C14orf93: variants seen among roughly 807,000 people sequenced by gnomAD.
The protein encoded by C14orf93 is chromosome 14 open reading frame 93.
In C14orf93, 23 loss-of-function variants were observed where a neutral mutation model predicts 44.0. That is an observed-to-expected ratio of 0.52 (90% confidence interval 0.38 to 0.74). The LOEUF is 0.74. Among genes scored for constraint, C14orf93 ranks in the 30% least tolerant of loss-of-function variants. The pLI, the probability that C14orf93 is intolerant of heterozygous loss-of-function variation, is 0.00. For synonymous variants in C14orf93, 253 were observed against 265.7 expected, an observed-to-expected ratio of 0.95 and a Z score of 0.46; for missense variants, 579 against 678.9, an observed-to-expected ratio of 0.85 and a Z score of 1.64.
chr14:23,007,102 C>G (rs964598428), intron 1 of C14orf93: 6 of 152,256 alleles, frequency 3.9e-5, no homozygotes, highest in Admixed American at 3.9e-4. Flanking sequence ...GAGGCGGAGG[C>G]GGGCGCGCGG....
chr14:23,003,928 G>T (rs1237506600), intron 1 of C14orf93, among the ~76,000 whole-genome samples: 4 of 8,260 alleles, frequency 4.8e-4, no homozygotes, highest in African/African-American at 9.8e-4. Context: ...TTTTTTTTTT[G>T]AGACAGAGTC....
chr14:23,000,067 G>A (rs1330982225), intron 1 of C14orf93: 1 of 152,138 alleles, frequency 6.6e-6, no homozygotes, highest in African/African-American at 2.4e-5. Context: ...CTCCTTAAGG[G>A]TGGATCCAAA....
chr14:23,009,498 C>T (rs1396952766), intron 1 of C14orf93, among the ~76,000 whole-genome samples: 1 of 150,834 alleles, frequency 6.6e-6, no homozygotes, highest in African/African-American at 2.4e-5. Flanking sequence ...CACACACACA[C>T]ACAAATGTTC....
At chr14:22,995,566 G>A (rs1315281801) in intron 3 of C14orf93, among the ~76,000 whole-genome samples, 1 of 151,450 alleles carries the variant, frequency 6.6e-6, no homozygotes, top group Non-Finnish European at 1.5e-5. Flanking sequence ...TGTAATCCCA[G>A]CTACTCAGGA....
rs143379381 is a variant in C14orf93 at position 22,987,495 on chromosome 14, C to T, written c.1337G>A (p.Arg446His). ...EPGVWVARPP[R>H]FRAQRLTELC... ...CTCTGTGAGGCGCTGGGCCCGGAAA[C>T]GGGGAGGGCGGGCCACCCACACACC... Residue 446 changes from arginine (R) to histidine (H), a missense_variant, in exon 7 of 7, where the codon CGT becomes CAT. By Grantham distance (29) the Arg-to-His change is conservative. Transcript: ENST00000299088. This position sits in a 1 kb window ranked among gnomAD's most constrained non-coding sequence, Gnocchi z 5.6. 26 of 1,614,104 alleles carry T rather than the reference C, an allele frequency of 1.6e-5. No individual in the cohort carries two copies. The highest frequency in any genetic ancestry group is 1.8e-5 in the Non-Finnish European group (21 of 1,180,056).
intron 1 of C14orf93, chr14:23,004,936 CAAAT>C (rs1198208768): frequency 6.6e-6 from 1 of 152,030 alleles, no homozygotes; most frequent in Non-Finnish European, 1.5e-5. Flanking sequence ...AATAAACAAA[CAAAT>C]AAATAACAAA....
Position 22,999,037 on chromosome 14 carries a change from G to GT in C14orf93, c.-15dup, listed in dbSNP as rs759745188. 2 of 1,597,280 alleles carry GT rather than the reference G, an allele frequency of 1.3e-6. No homozygotes were observed. The highest frequency in any genetic ancestry group is 8.5e-7 in the Non-Finnish European group (1 of 1,174,296). On this transcript the variant is annotated 5_prime_UTR_variant, in exon 2 of 7. Coordinates refer to ENST00000299088, the MANE Select transcript of C14orf93 (RefSeq NM_021944.4). ...ACTGAAGGACATGGCGGATGGGGCA[G>GT]TAACAACCACGCTTACACTGCTGGG...
rs775225329 is a variant in C14orf93, at chr14:22,987,332, C to CAAG, written c.1499_1500insCTT (p.Glu500delinsAspLeu). On this transcript the variant is annotated protein_altering_variant, in exon 7 of 7. Coordinates refer to ENST00000299088, the MANE Select transcript of C14orf93 (RefSeq NM_021944.4). This position sits in a 1 kb window ranked among gnomAD's most constrained non-coding sequence, Gnocchi z 5.6. Reference sequence around the variant, plus strand: ...CATTCTCATCCCCTCCCTCATCTTCCTCTTCTTGGAAATTAGGATTGTAAA... The same window carrying CAAG: ...CATTCTCATCCCCTCCCTCATCTTCCAAGTCTTCTTGGAAATTAGGATTGTAAA... The CAAG allele has an allele frequency of 3.1e-6, 5 of 1,614,252 alleles. No individual in the cohort carries two copies. The highest frequency in any genetic ancestry group is 1.1e-5 in the South Asian group (1 of 91,088).
rs2045768760 is a variant in C14orf93 at position 22,993,180 on chromosome 14, C to G, written c.918+2768G>C. On this transcript the variant is annotated intron_variant, in intron 3 of 6. Transcript: ENST00000299088. ...CAGGCGTGAGCCACCGCACCCGGCCCTAATGCAGGGTTTTAACATGTCCTT... is the reference window on the plus strand; with the variant it reads ...CAGGCGTGAGCCACCGCACCCGGCCGTAATGCAGGGTTTTAACATGTCCTT... Among the ~76,000 whole-genome samples, 3 of 152,176 alleles carry G rather than the reference C, an allele frequency of 2.0e-5. No individual in the cohort carries two copies. The South Asian group carries it at 6.2e-4, about 31-fold the overall frequency.
At chr14:22,994,833 G>A (rs1052905526) in intron 3 of C14orf93, among the ~76,000 whole-genome samples, 1 of 152,120 alleles carries the variant, frequency 6.6e-6, no homozygotes, top group African/African-American at 2.4e-5. Flanking sequence ...GGCATTTTGA[G>A]CTGGATAATT....
At chr14:22,989,533 T>C (rs1215901386) in intron 5 of C14orf93, among the ~76,000 whole-genome samples, 1 of 152,250 alleles carries the variant, frequency 6.6e-6, no homozygotes, top group African/African-American at 2.4e-5. Flanking sequence ...TCTCTCATTT[T>C]CGTTTCAGAC....
At chr14:23,001,470 T>C (rs115867299) in intron 1 of C14orf93, among the ~76,000 whole-genome samples, 2,205 of 152,206 alleles carry the variant, frequency 0.014, 56 homozygotes, top group African/African-American at 0.05. Context: ...TTATTTTTAT[T>C]TATCATTTTT....
chr14:23,006,015 A>G (rs2046604752), intron 1 of C14orf93: 1 of 152,216 alleles, frequency 6.6e-6, no homozygotes, highest in Non-Finnish European at 1.5e-5. Context: ...ATAGATGTGT[A>G]TGATATGGTA....
At chr14:22,990,816 CCTTTT>C (rs1318736235) in intron 3 of C14orf93, among the ~76,000 whole-genome samples, 1 of 146,370 alleles carries the variant, frequency 6.8e-6, no homozygotes, top group African/African-American at 2.5e-5. Context: ...TTTTTTCTTT[CCTTTT>C]CTTTTTTTTT....
chr14:22,995,884 AC>A, intron 3 of C14orf93, 63 bp downstream of exon 3: 2 of 1,454,934 alleles, frequency 1.4e-6, no homozygotes, highest in South Asian at 2.8e-5. Context: ...AAATCAACCC[AC>A]CCATCACTCT....
chr14:22,990,595 G>A (rs1467769391), intron 3 of C14orf93, among the ~76,000 whole-genome samples: 6 of 150,954 alleles, frequency 4.0e-5, no homozygotes, highest in African/African-American at 1.5e-4. Flanking sequence ...TCAGCCTCTC[G>A]AGTAGCTCAG....
chr14:22,987,764 AGCATTG>A lies in C14orf93; in HGVS notation c.1197+133_1198-131del. 2 of 1,222,294 alleles carry A rather than the reference AGCATTG, an allele frequency of 1.6e-6. No individual in the cohort carries two copies. Among genetic ancestry groups the A allele is most frequent in the Non-Finnish European group, 2.3e-6 (2 of 873,314 alleles). 75.7% of individuals were successfully genotyped at this position (1,222,294 alleles called of 1,614,324 possible). A position where few individuals can be genotyped will look rare whatever the true frequency, so the allele number is the denominator to read the frequency against. ...GAACCCAGTCCCCAAGTCAGATCTT[AGCATTG>A]GCTCACTGTTCTTCTCTATCTTCCT... On this transcript the variant is annotated intron_variant, in intron 6 of 6. Transcript: ENST00000299088. The surrounding 1 kb of genome is among the most constrained non-coding windows in gnomAD (Gnocchi z 5.6).
In C14orf93 at chr14:22,987,401, T is replaced by G. The variant is rs931932064; in HGVS notation, c.1431A>C (p.Ser477=). The G allele has an allele frequency of 5.0e-6, 8 of 1,614,254 alleles. No homozygotes were observed. The highest frequency in any genetic ancestry group is 5.9e-6 in the Non-Finnish European group (7 of 1,180,046). The change falls in exon 7 of 7, where the codon TCA becomes TCC. Residue 477 remains serine (S), a synonymous_variant. Coordinates refer to ENST00000299088, the MANE Select transcript of C14orf93 (RefSeq NM_021944.4). The surrounding 1 kb of genome is among the most constrained non-coding windows in gnomAD (Gnocchi z 5.6). Reference sequence around the variant, plus strand: ...GGGCTTCAGCAGAAGGCAGTCTGTCTGAGGGAGGCCCATACACACGGTTGG... The same window carrying G: ...GGGCTTCAGCAGAAGGCAGTCTGTCGGAGGGAGGCCCATACACACGGTTGG... ...TKANRVYGPP[S]DRLPSAEAQL...
At position 23,000,497 on chromosome 14, in the gene C14orf93, C is replaced by T. The variant is rs533800846; in HGVS notation, c.-379-1095G>A. On this transcript the variant is annotated intron_variant, in intron 1 of 6. Transcript: ENST00000299088. ...GTGGAAGGCTGAGGTGGGCCGATCA[C>T]CTGAGGTCAGGAGTTTGAGACCAGC... is the stretch of plus-strand genomic sequence containing the variant. Among the ~76,000 whole-genome samples the T allele has an allele frequency of 2.6e-5, 4 of 152,166 alleles. No individual in the cohort carries two copies. The East Asian group carries it at 7.7e-4, about 29-fold the overall frequency.
Sources: gnomAD v4.1 joint callset for allele counts (sites outside exome capture counted in the v4.1 genomes callset) on GRCh38, gnomAD v4.1.1 for gene constraint, Gnocchi (gnomAD v3.1) non-coding constraint, MANE v1.5 for transcripts, NCBI Gene and HGNC (gene_info 2026-07-23, HGNC 2026-07-21) for gene names.